The following NFASC variants were observed in gnomAD, a reference collection of about 807,000 sequenced individuals.
NFASC encodes the protein neurofascin.
Under a neutral mutation model 147.5 loss-of-function variants are expected in NFASC, and 43 were observed. The observed-to-expected ratio is 0.29, with a 90% CI of 0.23 to 0.38. The LOEUF is 0.38. Ranked by LOEUF, NFASC falls within the 10% of genes least tolerant of loss-of-function variation. The pLI is 1.00. For synonymous variants in NFASC, 622 were observed against 665.5 expected (o/e 0.93, Z 1.01); for missense variants, 1,320 against 1,689.0 (o/e 0.78, Z 3.83).
intron 7 of NFASC, among the ~76,000 whole-genome samples, chr1:204,956,093 C>T (rs1292673918): frequency 6.6e-6 from 1 of 152,212 alleles, no homozygotes; most frequent in East Asian, 1.9e-4. Context: ...TGTGTTCACT[C>T]TGCCTCCCAA....
intron 1 of NFASC, among the ~76,000 whole-genome samples, chr1:204,914,028 A>G (rs2088477073): frequency 6.6e-6 from 1 of 152,262 alleles, no homozygotes; most frequent in South Asian, 2.1e-4. Flanking sequence ...GATCCAATCA[A>G]CTATGAAAAA....
rs771692700 is a variant in NFASC at position 204,975,236 on chromosome 1, C to T, written c.1559-35C>T. On this transcript the variant is annotated intron_variant, in intron 14 of 29. Coordinates refer to ENST00000339876, the MANE Select transcript of NFASC (RefSeq NM_001005388.3). This position sits in a 1 kb window ranked among gnomAD's most constrained non-coding sequence, Gnocchi z 4.0. ...CCGCATGGGGATGCTGGGCAGAGAACAGGCCAGTGGCGAGTGCTCTGGGCT... is the reference window on the plus strand; with the variant it reads ...CCGCATGGGGATGCTGGGCAGAGAATAGGCCAGTGGCGAGTGCTCTGGGCT... The T allele has an allele frequency of 1.3e-6, 2 of 1,578,908 alleles. No individual in the cohort carries two copies. The highest frequency in any genetic ancestry group is 1.7e-6 in the Non-Finnish European group (2 of 1,160,030).
At chr1:204,877,047 ATAATATATTTATTTAT>A (rs2079102712) in intron 1 of NFASC, among the ~76,000 whole-genome samples, 1 of 101,292 alleles carries the variant, frequency 9.9e-6, no homozygotes, top group African/African-American at 5.7e-5. Flanking sequence ...TTATATATAT[ATAATATATTTATTTAT>A]ATATTTATAT....
chr1:204,828,843 C>T (rs1369896677), intron 1 of NFASC, 61 bp downstream of exon 1: 2 of 978,640 alleles, frequency 2.0e-6, no homozygotes. Flanking sequence ...CACCTAGCGA[C>T]ACCCCCTTGT....
intron 8 of NFASC, among the ~76,000 whole-genome samples, chr1:204,959,639 A>G (rs934355388): frequency 1.3e-5 from 2 of 152,226 alleles, no homozygotes; most frequent in African/African-American, 4.8e-5. Context: ...CTCCTTGCCC[A>G]GACGACGCTA....
At chr1:204,983,597 C>T (rs12088925) in intron 21 of NFASC, among the ~76,000 whole-genome samples, 2,749 of 152,246 alleles carry the variant, frequency 0.018, 88 homozygotes, top group African/African-American at 0.062. Flanking sequence ...AATTGATACC[C>T]ACCCTTCCTC....
At chr1:204,868,386 G>A (rs761908225) in intron 1 of NFASC, among the ~76,000 whole-genome samples, 2 of 152,200 alleles carry the variant, frequency 1.3e-5, no homozygotes, top group Non-Finnish European at 2.9e-5. Flanking sequence ...CGACCTGGCT[G>A]CCCTGCCTAG....
chr1:204,861,769 G>T (rs932577549), intron 1 of NFASC, among the ~76,000 whole-genome samples: 1 of 152,160 alleles, frequency 6.6e-6, no homozygotes, highest in East Asian at 1.9e-4. Flanking sequence ...GATTACAGGC[G>T]TGAGCCACCG....
intron 1 of NFASC, among the ~76,000 whole-genome samples, chr1:204,912,725 T>A (rs923530687): frequency 1.3e-5 from 2 of 149,782 alleles, no homozygotes; most frequent in East Asian, 2.0e-4. Flanking sequence ...TTAAAATTTT[T>A]AAAAAATTGT....
At chr1:204,871,686 C>T (rs2077738069) in intron 1 of NFASC, among the ~76,000 whole-genome samples, 1 of 152,190 alleles carries the variant, frequency 6.6e-6, no homozygotes, top group South Asian at 2.1e-4. Context: ...GTCCCTTTTG[C>T]TCTCAGCTGG....
At chr1:204,933,287 G>C (rs1480459467) in intron 2 of NFASC, among the ~76,000 whole-genome samples, 2 of 152,156 alleles carry the variant, frequency 1.3e-5, no homozygotes, top group African/African-American at 4.8e-5. Flanking sequence ...AAGGTGAGAT[G>C]GGGAGAATGC....
chr1:204,840,233 C>T (rs1674925163), intron 1 of NFASC, among the ~76,000 whole-genome samples: 1 of 152,210 alleles, frequency 6.6e-6, no homozygotes. Context: ...AGGCCCTACG[C>T]ATGGGTTCTC....
chr1:204,845,104 G>A (rs1463138893), intron 1 of NFASC, among the ~76,000 whole-genome samples: 3 of 152,174 alleles, frequency 2.0e-5, no homozygotes, highest in South Asian at 2.1e-4. Flanking sequence ...TCTTATCTGT[G>A]TTTTACTGTC....
At chr1:204,988,002 A>T (rs1156587267) in intron 22 of NFASC, among the ~76,000 whole-genome samples, 1 of 152,234 alleles carries the variant, frequency 6.6e-6, no homozygotes, top group African/African-American at 2.4e-5. Flanking sequence ...GGTGACCCGA[A>T]TCAGGAGCCT....
At chr1:204,913,200 C>A (rs1160191850) in intron 1 of NFASC, among the ~76,000 whole-genome samples, 2 of 151,992 alleles carry the variant, frequency 1.3e-5, no homozygotes, top group East Asian at 1.9e-4. Context: ...TTGAAGAATT[C>A]CAAAGAAAAT....
At chr1:204,942,470 C>T (rs994173604) in intron 2 of NFASC, among the ~76,000 whole-genome samples, 2 of 152,166 alleles carry the variant, frequency 1.3e-5, no homozygotes, top group African/African-American at 4.8e-5. Flanking sequence ...CTACCTTTAA[C>T]TCCCAAGCAG....
chr1:205,019,038 GC>G lies in NFASC; in HGVS notation c.*2505del. On this transcript the variant is annotated 3_prime_UTR_variant, in exon 30 of 30. Transcript: ENST00000339876. ...TGCTGTTCTGTGGGTGCTGAGAGCT[GC>G]CCCCCATCACCACGCCATCACACCC... 1 of 152,384 alleles carries G rather than the reference GC, an allele frequency of 6.6e-6. No homozygotes were observed. The allele number at this position is 152,384 out of a possible 1,614,324, so 9.4% of individuals were successfully genotyped here. A position where few individuals can be genotyped will look rare whatever the true frequency, so the allele number is the denominator to read the frequency against.
At chr1:204,907,820 A>G (rs183547543) in intron 1 of NFASC, among the ~76,000 whole-genome samples, 2 of 152,358 alleles carry the variant, frequency 1.3e-5, no homozygotes, top group Non-Finnish European at 2.9e-5. Flanking sequence ...TTTCTTGGAA[A>G]TGTCATTCTT....
rs1400895005 is a variant in NFASC, at chr1:204,969,029, C to T, written c.1003+47C>T. On this transcript the variant is annotated intron_variant, in intron 10 of 29. Coordinates refer to ENST00000339876, the MANE Select transcript of NFASC (RefSeq NM_001005388.3). ...TTATGATTATGTTGCCAACCCTGAA[C>T]ACCATGCCCACCCTTCCCTCTGAGG... 1.3e-6 allele frequency: 2 copies of T among 1,531,782 alleles called. 1 individual carries two copies. The highest frequency in any genetic ancestry group is 2.4e-5 in the South Asian group (2 of 83,026). 94.9% of individuals were successfully genotyped at this position (1,531,782 alleles called of 1,614,324 possible).
Sources: allele counts gnomAD v4.1 joint callset (sites outside exome capture counted in the v4.1 genomes callset), GRCh38; gene constraint gnomAD v4.1.1; non-coding constraint Gnocchi (gnomAD v3.1); transcripts MANE v1.5; gene names NCBI Gene and HGNC (gene_info 2026-07-23, HGNC 2026-07-21).